Variants in BCAR3 observed in about 807,000 individuals in gnomAD.
The protein encoded by BCAR3 is breast cancer anti-estrogen resistance protein 3.
A neutral mutation model predicts 80.1 loss-of-function variants in BCAR3; 37 were observed. That is an observed-to-expected ratio of 0.46 (90% CI 0.36 to 0.61). The LOEUF is 0.61. Ranked by LOEUF, BCAR3 falls within the 20% of genes least tolerant of loss-of-function variation. BCAR3 has a pLI of 0.00. For missense variants in BCAR3, 978 were observed against 1,068.2 expected (o/e 0.92, Z 1.18); for synonymous variants, 389 against 418.9 (o/e 0.93, Z 0.87).
chr1:93,720,321 G>A (rs945951588), intron 2 of BCAR3: 1 of 152,282 alleles, frequency 6.6e-6, no homozygotes, highest in Non-Finnish European at 1.5e-5. Flanking sequence ...TTAAGACAAA[G>A]AGGGCAAGTT....
intron 2 of BCAR3, among the ~76,000 whole-genome samples, chr1:93,836,707 G>A (rs1044397135): frequency 6.6e-6 from 1 of 152,094 alleles, no homozygotes; most frequent in Non-Finnish European, 1.5e-5. Context: ...AAGCCTGCAT[G>A]TATACATCCA....
At chr1:93,710,386 T>C (rs1390405820) in intron 2 of BCAR3, among the ~76,000 whole-genome samples, 1 of 152,186 alleles carries the variant, frequency 6.6e-6, no homozygotes, top group Non-Finnish European at 1.5e-5. Flanking sequence ...TTGGAGACCT[T>C]GAAGGGCACC....
intron 3 of BCAR3, chr1:93,613,892 T>A (rs954736133): frequency 1.9e-6 from 3 of 1,550,500 alleles, no homozygotes; most frequent in Non-Finnish European, 1.7e-6. Flanking sequence ...AGCACAGAGC[T>A]GCTGAGAGGG....
At position 93,734,361 on chromosome 1, in the gene BCAR3, G is replaced by T. The variant is rs371340952; in HGVS notation, c.-62-28219C>A. Among the ~76,000 whole-genome samples the T allele has an allele frequency of 2.6e-4, 39 of 152,338 alleles. 3 individuals are homozygous for T. The highest frequency in any genetic ancestry group is 1.2e-3 in the Admixed American group (19 of 15,302). On this transcript the variant is annotated intron_variant, in intron 2 of 13. Coordinates refer to the BCAR3 transcript ENST00000370244. ...CATTGCTCTATGACTTCAGCATTCT[G>T]GTAGGATCTGTCACATGGTGTGGTT...
chr1:93,563,751 G>A (rs1672801336), intron 11 of BCAR3, among the ~76,000 whole-genome samples: 1 of 152,108 alleles, frequency 6.6e-6, no homozygotes, highest in South Asian at 2.1e-4. Context: ...GGAGTGCAGT[G>A]GCACGATCCT....
chr1:93,732,976 T>C (rs943468450), intron 2 of BCAR3, among the ~76,000 whole-genome samples: 2 of 152,206 alleles, frequency 1.3e-5, no homozygotes, highest in African/African-American at 4.8e-5. Context: ...TTGCACTGCA[T>C]TCAAACTATT....
At chr1:93,743,046 G>A (rs79370175) in intron 2 of BCAR3, among the ~76,000 whole-genome samples, 4,038 of 152,150 alleles carry the variant, frequency 0.027, 77 homozygotes, top group Non-Finnish European at 0.036. Context: ...TAAATCATAT[G>A]TATTGAATCA....
chr1:93,827,773 G>C (rs185332676), intron 2 of BCAR3, among the ~76,000 whole-genome samples: 2 of 152,132 alleles, frequency 1.3e-5, no homozygotes, highest in Admixed American at 1.3e-4. Flanking sequence ...GAGGGAAGGA[G>C]AAAGTATGTA....
intron 3 of BCAR3, among the ~76,000 whole-genome samples, chr1:93,640,963 T>C (rs1373454485): frequency 2.0e-5 from 3 of 152,194 alleles, no homozygotes; most frequent in Non-Finnish European, 4.4e-5. Context: ...TGTTAAGTCA[T>C]ATCACAGTCT....
intron 2 of BCAR3, among the ~76,000 whole-genome samples, chr1:93,818,507 G>A (rs867396265): frequency 6.6e-6 from 1 of 152,294 alleles, no homozygotes; most frequent in Middle Eastern, 3.4e-3. Context: ...AAGTGTCTGG[G>A]TTTGTATCCC....
chr1:93,636,584 A>G (rs1420311286), intron 3 of BCAR3, among the ~76,000 whole-genome samples: 1 of 152,194 alleles, frequency 6.6e-6, no homozygotes, highest in Admixed American at 6.5e-5. Flanking sequence ...AGGCATTCCA[A>G]TATTTTTTTC....
rs1654852103 is a variant in BCAR3, at chr1:93,838,674, C to T, written c.-63+6893G>A. On this transcript the variant is annotated intron_variant, in intron 2 of 13. Transcript: ENST00000370244. Reference sequence around the variant, plus strand: ...TGAGAAAAACGGGATGCTAACCTTACCATTCTACAAACGCAGTTATTATAC... The same window carrying T: ...TGAGAAAAACGGGATGCTAACCTTATCATTCTACAAACGCAGTTATTATAC... Among the ~76,000 whole-genome samples, 3 of 152,160 alleles carry T rather than the reference C, an allele frequency of 2.0e-5. No homozygotes were observed. In the South Asian group the frequency reaches 6.2e-4, roughly 32 times the overall value.
At chr1:93,702,175 G>A (rs986844003) in intron 3 of BCAR3, among the ~76,000 whole-genome samples, 3 of 152,152 alleles carry the variant, frequency 2.0e-5, no homozygotes, top group African/African-American at 4.8e-5. Context: ...AGCACAGCAC[G>A]CCATTGCAGC....
At chr1:93,791,943 G>T (rs1270400883) in intron 2 of BCAR3, among the ~76,000 whole-genome samples, 1 of 3,608 alleles carries the variant, frequency 2.8e-4, no homozygotes. Flanking sequence ...TCTCAGGTTT[G>T]TCAAAGATCA....
chr1:93,731,155 A>C (rs932311546), intron 2 of BCAR3, among the ~76,000 whole-genome samples: 2 of 152,248 alleles, frequency 1.3e-5, no homozygotes, highest in Admixed American at 6.5e-5. Flanking sequence ...AGAAACAGTC[A>C]GAAACAGGCC....
chr1:93,835,746 C>T (rs1327714715), intron 2 of BCAR3, among the ~76,000 whole-genome samples: 1 of 152,194 alleles, frequency 6.6e-6, no homozygotes, highest in Non-Finnish European at 1.5e-5. Flanking sequence ...GGGATTTGCC[C>T]CTGCCCAGGA....
At chr1:93,668,202 A>C (rs1191381629) in intron 2 of BCAR3, among the ~76,000 whole-genome samples, 1 of 152,170 alleles carries the variant, frequency 6.6e-6, no homozygotes, top group Non-Finnish European at 1.5e-5. Flanking sequence ...TGCATTGTGT[A>C]ATTCTCTGAT....
chr1:93,764,471 G>A (rs1652070544), intron 2 of BCAR3, among the ~76,000 whole-genome samples: 1 of 151,924 alleles, frequency 6.6e-6, no homozygotes. Flanking sequence ...CCCCAGCCCA[G>A]GCACCAAGCC....
chr1:93,841,173 T>C (rs1004204275), intron 2 of BCAR3, among the ~76,000 whole-genome samples: 4 of 152,316 alleles, frequency 2.6e-5, no homozygotes, highest in Middle Eastern at 3.4e-3. Context: ...AGCCTTGCAT[T>C]TGAAGCGCTT....
Sources: allele counts gnomAD v4.1 joint callset (sites outside exome capture counted in the v4.1 genomes callset), GRCh38; gene constraint gnomAD v4.1.1; transcripts MANE v1.5; gene names NCBI Gene and HGNC (gene_info 2026-07-23, HGNC 2026-07-21).